RC3H2: variants seen among roughly 807,000 people sequenced by gnomAD.
RC3H2 encodes roquin-2.
In RC3H2, 31 loss-of-function variants were observed where a neutral mutation model predicts 133.3. The observed-to-expected ratio is 0.23, with a 90% CI of 0.17 to 0.31. The LOEUF is 0.31. Ranked by LOEUF, RC3H2 falls within the 10% of genes least tolerant of loss-of-function variation. RC3H2 has a pLI of 1.00. For synonymous variants in RC3H2, 517 were observed against 502.2 expected (o/e 1.03, Z -0.40); for missense variants, 1,175 against 1,437.2 (o/e 0.82, Z 2.95).
At chr9:122,892,113 ATTT>A (rs1247686377) in intron 3 of RC3H2, among the ~76,000 whole-genome samples, 1 of 144,764 alleles carries the variant, frequency 6.9e-6, no homozygotes. Context: ...ACTCTGGTAA[ATTT>A]TTTTTTTTTT....
intron 3 of RC3H2, among the ~76,000 whole-genome samples, chr9:122,890,772 A>G (rs951225831): frequency 6.6e-6 from 1 of 152,064 alleles, no homozygotes; most frequent in Non-Finnish European, 1.5e-5. Flanking sequence ...AAATGACTCT[A>G]TTTTTTAATT....
At chr9:122,874,273 GGAT>G (rs1403130380) in intron 9 of RC3H2, 1 of 152,020 alleles carries the variant, frequency 6.6e-6, no homozygotes, top group Non-Finnish European at 1.5e-5. Context: ...GATAAAATCA[GGAT>G]GAGATTCTGT....
chr9:122,844,609 T>C lies in RC3H2; in HGVS notation c.*5018A>G. 6.6e-6 allele frequency: 1 copy of C among 152,242 alleles called. No individual in the cohort carries two copies. Among genetic ancestry groups the C allele is most frequent in the African/African-American group, 2.4e-5 (1 of 41,468 alleles). The allele number at this position is 152,242 out of a possible 1,614,324, so 9.4% of individuals were successfully genotyped here. ...GTGCATGCAAATACATGTCAAGTAC[T>C]GCAAACTTTTTCCATCAATTTTCTC... On this transcript the variant is annotated 3_prime_UTR_variant, in exon 21 of 21. Coordinates refer to ENST00000357244, the MANE Select transcript of RC3H2 (RefSeq NM_001100588.3).
At chr9:122,901,928 CTT>C (rs542589870) in intron 1 of RC3H2, among the ~76,000 whole-genome samples, 19 of 116,852 alleles carry the variant, frequency 1.6e-4, no homozygotes, top group South Asian at 2.8e-4. Flanking sequence ...ATAACTACTT[CTT>C]TTTTTTTTTT....
At chr9:122,891,716 CA>C (rs1832183588) in intron 3 of RC3H2, among the ~76,000 whole-genome samples, 1 of 152,164 alleles carries the variant, frequency 6.6e-6, no homozygotes, top group Non-Finnish European at 1.5e-5. Flanking sequence ...TGAATGAATA[CA>C]GGGGATAAGT....
chr9:122,854,089 A>G lies in RC3H2; in HGVS notation c.2983-3T>C, dbSNP rs1830153660. ...AGAAGTAATGAGTTGCTCTTGGCCT[A>G]TATGAGGAGGGAAAAAAAGAAAAGT... On this transcript the variant is annotated splice_region_variant and splice_polypyrimidine_tract_variant and intron_variant, in intron 17 of 20. Transcript: ENST00000357244. The G allele has an allele frequency of 6.2e-7, 1 of 1,613,062 alleles. No homozygotes were observed. Among genetic ancestry groups the G allele is most frequent in the South Asian group, 1.1e-5 (1 of 90,910 alleles).
intron 18 of RC3H2, among the ~76,000 whole-genome samples, chr9:122,852,340 G>GC (rs1830066878): frequency 6.6e-6 from 1 of 151,218 alleles, no homozygotes; most frequent in Admixed American, 6.6e-5. Flanking sequence ...TCTCTGCCTG[G>GC]CAGCCACCCC....
chr9:122,891,387 C>T (rs1400473668), intron 3 of RC3H2, among the ~76,000 whole-genome samples: 4 of 152,060 alleles, frequency 2.6e-5, no homozygotes, highest in Non-Finnish European at 5.9e-5. Context: ...TCGCTATTTC[C>T]TAGTCTAGTG....
At chr9:122,880,191 T>G (rs1831552621) in intron 6 of RC3H2, 66 bp from the exon 7 acceptor site, 1 of 1,491,938 alleles carries the variant, frequency 6.7e-7, no homozygotes, top group East Asian at 2.3e-5. Context: ...TCAAATACTT[T>G]CAATTTATCA....
At chr9:122,890,594 T>A (rs1554774066) in intron 3 of RC3H2, 49 bp from the exon 4 acceptor site, 1 of 1,438,634 alleles carries the variant, frequency 7.0e-7, no homozygotes, top group Non-Finnish European at 9.5e-7. Context: ...CAATAAAAAA[T>A]AAAAGTCAAT....
At chr9:122,875,154 CT>C (rs1831276798) in intron 9 of RC3H2, 1 of 1,538,110 alleles carries the variant, frequency 6.5e-7, no homozygotes, top group East Asian at 2.5e-5. Context: ...CAAACAGCAT[CT>C]TTTTTCCTTA....
chr9:122,888,460 C>T (rs1356274850), intron 4 of RC3H2, among the ~76,000 whole-genome samples: 1 of 152,172 alleles, frequency 6.6e-6, no homozygotes, highest in African/African-American at 2.4e-5. Flanking sequence ...CTTGATTCCT[C>T]GTTCTTCTAC....
At chr9:122,858,577 TA>T in intron 12 of RC3H2, 91 bp downstream of exon 12, 8 of 1,027,456 alleles carry the variant, frequency 7.8e-6, no homozygotes, top group Non-Finnish European at 1.0e-5. Flanking sequence ...GTCACACAAT[TA>T]GTAAGTGGAG....
rs1321951961 is a variant in RC3H2, at chr9:122,858,848, G to A, written c.2104C>T (p.Arg702Cys). Residue 702 changes from arginine to cysteine, a missense_variant, in exon 12 of 21, where the codon CGC (arginine) becomes TGC (cysteine). Around this residue, in one of 8 missense-constraint regions of RC3H2, gnomAD observed 490 missense variants for 492.8 expected, o/e 0.99. Coordinates refer to ENST00000357244, the MANE Select transcript of RC3H2 (RefSeq NM_001100588.3). ...TCATCTCGTTGGTACATAGGTGGGC[G>A]CCAGATGCGCCTGCTGTCGTACACA... is the stretch of plus-strand genomic sequence containing the variant. ...APVYDSRRIW[R>C]PPMYQRDDII... The A allele has an allele frequency of 5.6e-6, 9 of 1,614,268 alleles. No individual in the cohort carries two copies. Among genetic ancestry groups the A allele is most frequent in the East Asian group, 2.2e-5 (1 of 44,884 alleles).
At chr9:122,870,497 A>G (rs1225061692) in intron 9 of RC3H2, among the ~76,000 whole-genome samples, 2 of 152,254 alleles carry the variant, frequency 1.3e-5, no homozygotes, top group African/African-American at 4.8e-5. Context: ...CCTCTCAAAA[A>G]AGAGTCAGGA....
intron 10 of RC3H2, among the ~76,000 whole-genome samples, chr9:122,864,532 G>C (rs1366956193): frequency 6.6e-6 from 1 of 152,010 alleles, no homozygotes; most frequent in Non-Finnish European, 1.5e-5. Context: ...AACTAAGGTA[G>C]ACAGATTAAG....
intron 2 of RC3H2, among the ~76,000 whole-genome samples, chr9:122,894,027 A>G (rs1394611631): frequency 8.5e-5 from 13 of 152,202 alleles, no homozygotes; most frequent in Admixed American, 8.5e-4. Flanking sequence ...TGGGAGGCCG[A>G]GGCAGGCGGA....
rs1353681503 is a variant in RC3H2, at chr9:122,880,809, A to T, written c.760-15T>A. On this transcript the variant is annotated splice_polypyrimidine_tract_variant and intron_variant, in intron 5 of 20. Coordinates refer to ENST00000357244, the MANE Select transcript of RC3H2 (RefSeq NM_001100588.3). ...CTTTTGGTAACCTAAAAAATAGAAA[A>T]GAGAAAAATCAGAATTGGTCTGTGC... 1 of 1,596,574 alleles carries T rather than the reference A, an allele frequency of 6.3e-7. No individual in the cohort carries two copies. The highest frequency in any genetic ancestry group is 1.7e-5 in the Admixed American group (1 of 59,968).
rs1328225231 is a variant in RC3H2, at chr9:122,859,104, T to C, written c.1850-2A>G. Reference sequence around the variant, plus strand: ...CCGTTGGAGGTGGTGGATAGTATCCTTGAAAATTGGAAAGAGGAATATTTA... The same window carrying C: ...CCGTTGGAGGTGGTGGATAGTATCCCTGAAAATTGGAAAGAGGAATATTTA... On this transcript the variant is annotated splice_acceptor_variant, in intron 11 of 20. Coordinates refer to ENST00000357244, the MANE Select transcript of RC3H2 (RefSeq NM_001100588.3). LOFTEE classifies it high-confidence loss of function. 1 of 1,537,876 alleles carries C rather than the reference T, an allele frequency of 6.5e-7. No homozygotes were observed. The highest frequency in any genetic ancestry group is 1.3e-5 in the South Asian group (1 of 79,748).
Sources: allele counts gnomAD v4.1 joint callset (sites outside exome capture counted in the v4.1 genomes callset), GRCh38; gene constraint gnomAD v4.1.1; regional missense constraint gnomAD v4.1.1; transcripts MANE v1.5; gene names NCBI Gene and HGNC (gene_info 2026-07-23, HGNC 2026-07-21).